ADAMTS19: variants seen among roughly 807,000 people sequenced by gnomAD.
ADAMTS19 encodes the protein A disintegrin and metalloproteinase with thrombospondin motifs 19.
Under a neutral mutation model 153.3 loss-of-function variants are expected in ADAMTS19, and 93 were observed. That is an observed-to-expected ratio of 0.61 (90% CI 0.51 to 0.72). The LOEUF (loss-of-function observed/expected upper bound fraction) is 0.72, where lower values mean the gene tolerates loss of function less well. ADAMTS19 is among the 30% of genes least tolerant of loss of function. ADAMTS19 has a pLI of 0.00. For missense variants in ADAMTS19, 1,482 were observed against 1,552.1 expected (o/e 0.95, Z 0.76); for synonymous variants, 600 against 556.6 (o/e 1.08, Z -1.10).
Position 129,461,541 on chromosome 5 carries a change from C to A in ADAMTS19, c.531C>A (p.Ala177=). The A allele has an allele frequency of 6.5e-7, 1 of 1,533,986 alleles. No individual in the cohort carries two copies. Among genetic ancestry groups the A allele is most frequent in the Non-Finnish European group, 8.7e-7 (1 of 1,146,894 alleles). Residue 177 remains alanine (A), a synonymous_variant, in exon 2 of 23, where the codon GCC becomes GCA. Coordinates refer to ENST00000274487, the MANE Select transcript of ADAMTS19 (RefSeq NM_133638.6). This position sits in a 1 kb window ranked among gnomAD's most constrained non-coding sequence, Gnocchi z 4.6. The part of the protein sequence containing the change: ...DGDEVLLRIP[A]FSRDLYLLLR... ...ACGAAGTGTTGCTGCGGATCCCGGC[C>A]TTCTCTCGGGACCTGTACCTGCTGC...
At chr5:129,662,370 C>CA (rs1753850518) in intron 15 of ADAMTS19, among the ~76,000 whole-genome samples, 1 of 152,180 alleles carries the variant, frequency 6.6e-6, no homozygotes, top group South Asian at 2.1e-4. Flanking sequence ...CTAATTGTGC[C>CA]AAATGGCTTA....
In ADAMTS19 at chr5:129,491,224, G is replaced by A. The variant is rs536320656; in HGVS notation, c.748-17853G>A. Among the ~76,000 whole-genome samples, 9 of 152,104 alleles carry A rather than the reference G, an allele frequency of 5.9e-5. No homozygotes were observed. The South Asian group carries it at 6.2e-4, about 11-fold the overall frequency. On this transcript the variant is annotated intron_variant, in intron 2 of 22. Coordinates refer to ENST00000274487, the MANE Select transcript of ADAMTS19 (RefSeq NM_133638.6). ...TCACCATGTCAGCCAGGATGGTCTC[G>A]ATCTCCTGACCTTGTGATCCACTCA...
rs375718070 is a variant in ADAMTS19 at position 129,690,163 on chromosome 5, A to G, written c.2819-4557A>G. On this transcript the variant is annotated intron_variant, in intron 18 of 22. Coordinates refer to ENST00000274487, the MANE Select transcript of ADAMTS19 (RefSeq NM_133638.6). The stretch of plus-strand genomic sequence containing the variant: ...CCAAAGATGAATATGTCTTGCTTTC[A>G]GAGAACTCACAGTCCATCTAGTGGA... Among the ~76,000 whole-genome samples, 21 of 152,340 alleles carry G rather than the reference A, an allele frequency of 1.4e-4. No individual in the cohort carries two copies. The South Asian group carries it at 2.7e-3, about 20-fold the overall frequency.
intron 10 of ADAMTS19, among the ~76,000 whole-genome samples, chr5:129,631,063 G>T (rs775790349): frequency 2.0e-5 from 3 of 149,526 alleles, no homozygotes; most frequent in Admixed American, 6.7e-5. Context: ...TAAGTTTAAA[G>T]AATTGAAAAA....
chr5:129,686,584 ATGGTCACCCCACT>A (rs939013365), intron 18 of ADAMTS19, among the ~76,000 whole-genome samples: 3 of 152,066 alleles, frequency 2.0e-5, no homozygotes, highest in Admixed American at 2.0e-4. Context: ...GATCAAAACA[ATGGTCACCCCACT>A]GAAGGCTACA....
rs776776835 is a variant in ADAMTS19, at chr5:129,665,595, G to A, written c.2506+16G>A. ...AGCTATTTAGGTAACCTGTGTTACA[G>A]ACACAGAGAAGATCCAAGTACGAGC... is the stretch of plus-strand genomic sequence containing the variant. On this transcript the variant is annotated intron_variant, in intron 16 of 22. Coordinates refer to ENST00000274487, the MANE Select transcript of ADAMTS19 (RefSeq NM_133638.6). 5.0e-6 allele frequency: 8 copies of A among 1,591,320 alleles called. No homozygotes were observed. The Admixed American group carries it at 1.0e-4, about 20-fold the overall frequency.
At chr5:129,727,237 A>G (rs372283859) in intron 21 of ADAMTS19, among the ~76,000 whole-genome samples, 72 of 152,302 alleles carry the variant, frequency 4.7e-4, no homozygotes, top group African/African-American at 1.7e-3. Flanking sequence ...TAGTTTATCC[A>G]GGACTGTCCC....
At chr5:129,691,621 A>T (rs1030420005) in intron 18 of ADAMTS19, among the ~76,000 whole-genome samples, 2 of 152,138 alleles carry the variant, frequency 1.3e-5, no homozygotes. Context: ...TTTTTTTCTA[A>T]TTCTATTGTT....
Position 129,704,227 on chromosome 5 carries a change from GT to G in ADAMTS19, c.3160-10del, listed in dbSNP as rs1756038614. Reference sequence around the variant, plus strand: ...ACCAACTTTATCTAAAACCTCTGATGTTATCTTCCAGTGTTCAGTCAAGTGT... The same window carrying G: ...ACCAACTTTATCTAAAACCTCTGATGTATCTTCCAGTGTTCAGTCAAGTGT... On this transcript the variant is annotated splice_polypyrimidine_tract_variant and intron_variant, in intron 20 of 22. Coordinates refer to ENST00000274487, the MANE Select transcript of ADAMTS19 (RefSeq NM_133638.6). The G allele has an allele frequency of 6.2e-7, 1 of 1,609,110 alleles. No individual in the cohort carries two copies. The highest frequency in any genetic ancestry group is 1.3e-5 in the African/African-American group (1 of 74,606).
intron 7 of ADAMTS19, among the ~76,000 whole-genome samples, chr5:129,594,645 C>T (rs548869484): frequency 1.3e-5 from 2 of 152,102 alleles, no homozygotes; most frequent in East Asian, 1.9e-4. Flanking sequence ...TCAAAATCTT[C>T]GTTTTCCACT....
At chr5:129,514,178 C>T (rs1751524046) in intron 3 of ADAMTS19, among the ~76,000 whole-genome samples, 1 of 151,972 alleles carries the variant, frequency 6.6e-6, no homozygotes, top group African/African-American at 2.4e-5. Flanking sequence ...TTTTCTTTAT[C>T]AGTTCATCTG....
rs765099243 is a variant in ADAMTS19, at chr5:129,461,600, T to A, written c.590T>A (p.Phe197Tyr). Residue 197 changes from phenylalanine to tyrosine, a missense_variant, in exon 2 of 23, where the codon TTC (phenylalanine) becomes TAC (tyrosine). Transcript: ENST00000274487. The surrounding 1 kb of genome is among the most constrained non-coding windows in gnomAD (Gnocchi z 4.6). ...RRDGRFLAPRFAVEQRPNPGP... is the reference protein window; with the variant it reads ...RRDGRFLAPRYAVEQRPNPGP... ...GACGGCCGCTTCCTGGCGCCGCGCT[T>A]CGCAGTGGAACAGCGGCCAAATCCC... 2.5e-6 allele frequency: 4 copies of A among 1,588,516 alleles called. No individual in the cohort carries two copies. In the Admixed American group the frequency reaches 6.9e-5, roughly 27 times the overall value.
intron 3 of ADAMTS19, among the ~76,000 whole-genome samples, chr5:129,518,133 T>A (rs1751675430): frequency 6.6e-6 from 1 of 152,132 alleles, no homozygotes; most frequent in Non-Finnish European, 1.5e-5. Context: ...TGTTTCTATT[T>A]ATATCTTTGT....
intron 14 of ADAMTS19, 41 bp downstream of exon 14, chr5:129,654,474 G>A (rs942808650): frequency 6.3e-7 from 1 of 1,587,528 alleles, no homozygotes; most frequent in African/African-American, 1.4e-5. Context: ...TATGTTGAAG[G>A]AAAATTGTGG....
intron 2 of ADAMTS19, among the ~76,000 whole-genome samples, chr5:129,492,022 A>C (rs942041815): frequency 3.9e-5 from 6 of 152,140 alleles, no homozygotes; most frequent in Non-Finnish European, 8.8e-5. Context: ...AATACCTGAG[A>C]CCAGGTAATT....
intron 2 of ADAMTS19, among the ~76,000 whole-genome samples, chr5:129,502,091 A>G (rs921070518): frequency 6.6e-6 from 1 of 152,114 alleles, no homozygotes; most frequent in Non-Finnish European, 1.5e-5. Flanking sequence ...AGATGCAGAG[A>G]ACAATTGCTG....
chr5:129,542,415 G>A (rs939634463), intron 6 of ADAMTS19, among the ~76,000 whole-genome samples: 8 of 152,276 alleles, frequency 5.3e-5, no homozygotes, highest in Admixed American at 2.6e-4. Context: ...TAGAGTTGGG[G>A]AAGGATAGGA....
intron 2 of ADAMTS19, among the ~76,000 whole-genome samples, chr5:129,470,211 C>T (rs1235427945): frequency 6.6e-6 from 1 of 152,138 alleles, no homozygotes; most frequent in East Asian, 1.9e-4. Context: ...TTTATAAGAG[C>T]CTGAAAATAT....
At chr5:129,638,187 T>G (rs1752617069) in intron 10 of ADAMTS19, among the ~76,000 whole-genome samples, 1 of 152,246 alleles carries the variant, frequency 6.6e-6, no homozygotes, top group Non-Finnish European at 1.5e-5. Context: ...GTTGAGAATC[T>G]AAGTTCCTTG....
Sources: gnomAD v4.1 joint callset for allele counts (sites outside exome capture counted in the v4.1 genomes callset) on GRCh38, gnomAD v4.1.1 for gene constraint, Gnocchi (gnomAD v3.1) non-coding constraint, MANE v1.5 for transcripts, NCBI Gene and HGNC (gene_info 2026-07-23, HGNC 2026-07-21) for gene names.